The following ZPBP variants were observed in gnomAD, a reference collection of about 807,000 sequenced individuals.
The protein encoded by ZPBP is zona pellucida binding protein, also known as zona pellucida-binding protein 1.
In ZPBP, 26 loss-of-function variants were observed where a neutral mutation model predicts 44.8. That is an observed-to-expected ratio of 0.58 (90% CI 0.43 to 0.81). ZPBP has a LOEUF of 0.81. Ranked by LOEUF, ZPBP falls within the 30% of genes least tolerant of loss-of-function variation. ZPBP has a pLI of 0.00. For missense variants in ZPBP, 409 were observed against 434.0 expected (o/e 0.94, Z 0.51); for synonymous variants, 174 against 153.2 (o/e 1.14, Z -1.00).
intron 7 of ZPBP, among the ~76,000 whole-genome samples, chr7:49,970,719 G>A (rs186648262): frequency 4.0e-5 from 6 of 151,606 alleles, no homozygotes; most frequent in African/African-American, 1.5e-4. Context: ...GGTCAGTATA[G>A]AAAACATAAA....
chr7:49,870,576 A>T (rs1791106839), intron 2 of ZPBP, among the ~76,000 whole-genome samples: 2 of 152,192 alleles, frequency 1.3e-5, no homozygotes, highest in African/African-American at 2.4e-5. Context: ...AGCTGAATAC[A>T]GGGCATGTCT....
chr7:50,005,754 T>C (rs1798277951), intron 6 of ZPBP, among the ~76,000 whole-genome samples: 1 of 151,370 alleles, frequency 6.6e-6, no homozygotes. Flanking sequence ...AACCCCAAAA[T>C]GTCAATAGTA....
intron 3 of ZPBP, among the ~76,000 whole-genome samples, chr7:50,063,082 T>G (rs902497514): frequency 2.0e-5 from 3 of 152,224 alleles, no homozygotes; most frequent in African/African-American, 7.2e-5. Context: ...TTTTTTACTT[T>G]TCAAGAAATA....
chr7:49,865,419 A>G (rs765437137), intron 2 of ZPBP, among the ~76,000 whole-genome samples: 2 of 152,260 alleles, frequency 1.3e-5, no homozygotes, highest in Non-Finnish European at 2.9e-5. Flanking sequence ...TTGGCTGTAT[A>G]ACCAACCGCA....
chr7:49,843,163 C>G, the ZPBP span, among the ~76,000 whole-genome samples: 4 of 152,182 alleles, frequency 2.6e-5, no homozygotes, highest in Admixed American at 2.0e-4. Flanking sequence ...TGAGAACATG[C>G]AGTTTTCTGT....
intron 2 of ZPBP, among the ~76,000 whole-genome samples, chr7:49,896,196 TCAGGTTTGGTGGTGCATGC>T (rs1792375565): frequency 2.6e-5 from 4 of 152,054 alleles, no homozygotes; most frequent in African/African-American, 9.6e-5. Flanking sequence ...CAAAAATTAG[TCAGGTTTGGTGGTGCATGC>T]CTGTAGTCCC....
chr7:49,890,440 G>A (rs1341244141), intron 2 of ZPBP, among the ~76,000 whole-genome samples: 1 of 152,160 alleles, frequency 6.6e-6, no homozygotes, highest in Non-Finnish European at 1.5e-5. Flanking sequence ...ATAATATGCT[G>A]TTTGACTTTT....
chr7:50,061,503 C>T (rs1357867701), intron 3 of ZPBP, among the ~76,000 whole-genome samples: 1 of 152,148 alleles, frequency 6.6e-6, no homozygotes, highest in Non-Finnish European at 1.5e-5. Flanking sequence ...GAGTTCAAGG[C>T]TAGCCTAGCC....
intron 5 of ZPBP, among the ~76,000 whole-genome samples, chr7:50,024,346 T>A (rs1799229837): frequency 6.6e-6 from 1 of 152,052 alleles, no homozygotes; most frequent in Non-Finnish European, 1.5e-5. Flanking sequence ...CTCATACATT[T>A]ATCTATGCTC....
At chr7:49,994,150 GCA>G (rs961277782) in intron 6 of ZPBP, among the ~76,000 whole-genome samples, 1 of 152,136 alleles carries the variant, frequency 6.6e-6, no homozygotes, top group African/African-American at 2.4e-5. Flanking sequence ...CGTTCCAATT[GCA>G]CAGTTTTGAT....
chr7:50,093,128 G>C lies in ZPBP; in HGVS notation c.67C>G (p.Leu23Val), dbSNP rs747773088. 4.5e-6 allele frequency: 7 copies of C among 1,566,628 alleles called. No homozygotes were observed. The highest frequency in any genetic ancestry group is 6.0e-6 in the Non-Finnish European group (7 of 1,157,780). Reference sequence around the variant, plus strand: ...AAGAGGAGGATGGCGGCCCGAGAGAGCAGGGAGCCGGCGGCCCGGGTCCGC... The same window carrying C: ...AAGAGGAGGATGGCGGCCCGAGAGACCAGGGAGCCGGCGGCCCGGGTCCGC... Reference protein sequence around the residue: ...RRRTRAAGSLLSRAAILLFIS... With the variant: ...RRRTRAAGSLVSRAAILLFIS... The change falls in exon 1 of 8, where the codon CTC becomes GTC. Residue 23 changes from leucine (L) to valine (V), a missense_variant. Around this residue, in one of 2 missense-constraint regions of ZPBP, gnomAD observed 367 missense variants for 363.1 expected, o/e 1.01. Coordinates refer to ENST00000046087, the MANE Select transcript of ZPBP (RefSeq NM_007009.3).
chr7:50,014,421 A>C (rs1281304796), intron 6 of ZPBP, among the ~76,000 whole-genome samples: 3 of 151,866 alleles, frequency 2.0e-5, no homozygotes, highest in Non-Finnish European at 4.4e-5. Flanking sequence ...TGGTACACTT[A>C]AGAAATATAT....
At chr7:49,977,667 T>TA (rs1491058632) in intron 7 of ZPBP, among the ~76,000 whole-genome samples, 45 of 152,122 alleles carry the variant, frequency 3.0e-4, no homozygotes, top group East Asian at 1.9e-4. Flanking sequence ...TATTCTTTTT[T>TA]TAAAAAAGAG....
At chr7:50,016,572 G>A (rs1798832660) in intron 6 of ZPBP, among the ~76,000 whole-genome samples, 1 of 152,048 alleles carries the variant, frequency 6.6e-6, no homozygotes, top group South Asian at 2.1e-4. Context: ...AAATAAAAAT[G>A]ACATAAGAAA....
intron 2 of ZPBP, among the ~76,000 whole-genome samples, chr7:50,087,237 A>C (rs1342954421): frequency 6.6e-6 from 1 of 152,016 alleles, no homozygotes; most frequent in African/African-American, 2.4e-5. Context: ...TTTACAGACC[A>C]ATTTTCCTTA....
intron 6 of ZPBP, among the ~76,000 whole-genome samples, chr7:49,991,078 G>T (rs1797550628): frequency 6.6e-6 from 1 of 152,086 alleles, no homozygotes; most frequent in African/African-American, 2.4e-5. Flanking sequence ...CCATATTTGG[G>T]AATCTCTGGG....
intron 4 of ZPBP, among the ~76,000 whole-genome samples, chr7:50,055,418 T>C (rs766044718): frequency 1.7e-4 from 26 of 152,178 alleles, no homozygotes; most frequent in Non-Finnish European, 1.5e-4. Context: ...TTTATTAATC[T>C]GGTCTTCATC....
chr7:49,943,923 G>T, intron 7 of ZPBP: 1 of 320,944 alleles, frequency 3.1e-6, no homozygotes. Context: ...AACTGGTCTA[G>T]CTCTCAGTGG....
chr7:50,014,322 C>A (rs975416738), intron 6 of ZPBP, among the ~76,000 whole-genome samples: 2 of 151,756 alleles, frequency 1.3e-5, no homozygotes, highest in African/African-American at 4.8e-5. Context: ...GACAAAAAAT[C>A]GAAGTTAAAA....
Sources: allele counts gnomAD v4.1 joint callset (sites outside exome capture counted in the v4.1 genomes callset), GRCh38; gene constraint gnomAD v4.1.1; regional missense constraint gnomAD v4.1.1; transcripts MANE v1.5; gene names NCBI Gene and HGNC (gene_info 2026-07-23, HGNC 2026-07-21).